Variants in KCNIP4 observed in about 807,000 individuals in gnomAD.
KCNIP4 encodes the protein potassium voltage-gated channel interacting protein 4, also known as Kv channel-interacting protein 4.
A neutral mutation model predicts 34.0 loss-of-function variants in KCNIP4; 12 were observed. The ratio of observed to expected loss-of-function variants is 0.35; its 90% CI spans 0.23 to 0.57. KCNIP4 has a LOEUF of 0.57. Among genes scored for constraint, KCNIP4 ranks in the 20% least tolerant of loss-of-function variants. The pLI is 0.83. For missense variants in KCNIP4, 238 were observed against 311.7 expected (o/e 0.76, Z 1.78); for synonymous variants, 124 against 102.2 (o/e 1.21, Z -1.29).
At chr4:21,738,128 TAAATAAATAATA>T (rs904519417) in intron 1 of KCNIP4, among the ~76,000 whole-genome samples, 1 of 109,766 alleles carries the variant, frequency 9.1e-6, no homozygotes, top group Admixed American at 8.6e-5. Context: ...AATAAATAAA[TAAATAAATAATA>T]AATAAAAGGC....
intron 1 of KCNIP4, among the ~76,000 whole-genome samples, chr4:21,198,893 C>T (rs1756261294): frequency 6.6e-6 from 1 of 152,160 alleles, no homozygotes; most frequent in African/African-American, 2.4e-5. Flanking sequence ...TGACCTGGCG[C>T]TGTCCTTTCT....
rs539671251 is a variant in KCNIP4 at position 21,167,147 on chromosome 4, A to C, written c.62-284438T>G. ...ATCCTATTTATGTAAAATTGTCAAA[A>C]CAGAAAAAAACCCACAACACCTCAT... On this transcript the variant is annotated intron_variant, in intron 1 of 8. Coordinates refer to ENST00000382152, the MANE Select transcript of KCNIP4 (RefSeq NM_025221.6). 3.7e-4 allele frequency among the ~76,000 whole-genome samples: 57 copies of C among 152,170 alleles called. 1 individual carries two copies. The South Asian group carries it at 0.012, about 31-fold the overall frequency.
At chr4:21,056,965 G>T (rs1479799052) in intron 1 of KCNIP4, among the ~76,000 whole-genome samples, 3 of 152,094 alleles carry the variant, frequency 2.0e-5, no homozygotes. Context: ...CTGGTATTCA[G>T]AAATATTTAT....
At chr4:21,383,131 A>T (rs575041514) in intron 1 of KCNIP4, among the ~76,000 whole-genome samples, 2 of 152,308 alleles carry the variant, frequency 1.3e-5, no homozygotes, top group South Asian at 4.1e-4. Context: ...CTCAGCAAGA[A>T]GTCGGCCATC....
intron 1 of KCNIP4, among the ~76,000 whole-genome samples, chr4:21,280,132 T>C (rs1321849137): frequency 6.6e-6 from 1 of 152,176 alleles, no homozygotes; most frequent in African/African-American, 2.4e-5. Flanking sequence ...TTTGTCGGCC[T>C]ATGCAAAAAA....
intron 1 of KCNIP4, among the ~76,000 whole-genome samples, chr4:21,861,652 G>A (rs1259357843): frequency 4.4e-4 from 10 of 22,576 alleles, no homozygotes; most frequent in Non-Finnish European, 1.2e-3. Flanking sequence ...GTGAGACTCC[G>A]TCTCAAAAAA....
chr4:21,914,994 C>T (rs1728546102), intron 1 of KCNIP4, among the ~76,000 whole-genome samples: 1 of 151,058 alleles, frequency 6.6e-6, no homozygotes, highest in African/African-American at 2.4e-5. Context: ...GAAAGGTACG[C>T]ATTTGAAAAA....
chr4:21,079,346 T>G (rs1036275295), intron 1 of KCNIP4, among the ~76,000 whole-genome samples: 1 of 152,168 alleles, frequency 6.6e-6, no homozygotes, highest in Non-Finnish European at 1.5e-5. Flanking sequence ...CTGTGGAGAT[T>G]ATATATTTAA....
rs375564438 is a variant in KCNIP4 at position 20,735,593 on chromosome 4, A to G, written c.430-858T>C. On this transcript the variant is annotated intron_variant, in intron 5 of 8. Coordinates refer to ENST00000382152, the MANE Select transcript of KCNIP4 (RefSeq NM_025221.6). ...TGCCCAGGCTGGAGTGCAGTGGCACAATCTTGGCTCACTGCAACTTCCACC... is the reference window on the plus strand; with the variant it reads ...TGCCCAGGCTGGAGTGCAGTGGCACGATCTTGGCTCACTGCAACTTCCACC... Among the ~76,000 whole-genome samples, 342 of 144,670 alleles carry G rather than the reference A, an allele frequency of 2.4e-3. 8 individuals carry two copies. In the South Asian group the frequency reaches 0.047, roughly 20 times the overall value. 94.9% of individuals were successfully genotyped at this position (144,670 alleles called of 152,430 possible).
chr4:21,343,316 G>T (rs150757732), intron 1 of KCNIP4, among the ~76,000 whole-genome samples: 1 of 151,930 alleles, frequency 6.6e-6, no homozygotes, highest in African/African-American at 2.4e-5. Context: ...GTATATTTAG[G>T]TAGATACTAC....
In KCNIP4 at chr4:20,729,924, C is replaced by CAAATCTTTTGGGGATTGCTTTA. The variant is rs1747532451; in HGVS notation, c.*136_*157dup. 6.3e-6 allele frequency: 5 copies of CAAATCTTTTGGGGATTGCTTTA among 796,098 alleles called. No individual in the cohort carries two copies. Among genetic ancestry groups the CAAATCTTTTGGGGATTGCTTTA allele is most frequent in the Admixed American group, 3.8e-5 (1 of 26,224 alleles). 49.3% of individuals were successfully genotyped at this position (796,098 alleles called of 1,614,324 possible). On this transcript the variant is annotated 3_prime_UTR_variant, in exon 9 of 9. Coordinates refer to ENST00000382152, the MANE Select transcript of KCNIP4 (RefSeq NM_025221.6). The stretch of plus-strand genomic sequence containing the variant: ...GGATGCAAATTTATAACTGAAAGCT[C>CAAATCTTTTGGGGATTGCTTTA]AAATCTTTTGGGGATTGCTTTATAT...
chr4:21,293,928 C>T (rs565783541), intron 1 of KCNIP4, among the ~76,000 whole-genome samples: 18 of 152,204 alleles, frequency 1.2e-4, no homozygotes, highest in Non-Finnish European at 2.2e-4. Context: ...GGCAGGAACA[C>T]GGTGGTTGAG....
At chr4:20,909,966 ACTT>A (rs1283111003) in intron 1 of KCNIP4, among the ~76,000 whole-genome samples, 1 of 152,156 alleles carries the variant, frequency 6.6e-6, no homozygotes, top group African/African-American at 2.4e-5. Flanking sequence ...GTGAACAAAA[ACTT>A]CTTATTTCTA....
At chr4:21,341,086 A>T (rs1716719060) in intron 1 of KCNIP4, among the ~76,000 whole-genome samples, 1 of 152,090 alleles carries the variant, frequency 6.6e-6, no homozygotes, top group South Asian at 2.1e-4. Context: ...GGAAAGCTAT[A>T]TGACAATAGA....
chr4:21,376,345 G>A (rs530296066), intron 1 of KCNIP4, among the ~76,000 whole-genome samples: 2 of 152,248 alleles, frequency 1.3e-5, no homozygotes, highest in East Asian at 1.9e-4. Context: ...TGGTATGCAA[G>A]TTCTTCCATG....
rs140634588 is a variant in KCNIP4, at chr4:21,058,977, A to T, written c.62-176268T>A. Among the ~76,000 whole-genome samples the T allele has an allele frequency of 3.2e-3, 494 of 152,178 alleles. 2 individuals are homozygous for T. Among genetic ancestry groups the T allele is most frequent in the African/African-American group, 0.011 (451 of 41,528 alleles). On this transcript the variant is annotated intron_variant, in intron 1 of 8. Transcript: ENST00000382152. ...GGTAATTGAGTCATGATAGTGAATAAGTTTCATGAGATCTGATGATTTTAT... is the reference window on the plus strand; with the variant it reads ...GGTAATTGAGTCATGATAGTGAATATGTTTCATGAGATCTGATGATTTTAT...
At chr4:21,442,310 C>G (rs1182151710) in intron 1 of KCNIP4, among the ~76,000 whole-genome samples, 1 of 152,110 alleles carries the variant, frequency 6.6e-6, no homozygotes, top group Non-Finnish European at 1.5e-5. Flanking sequence ...GCATCAGTGC[C>G]AAAAGCCCTG....
At chr4:21,437,514 C>G (rs559143991) in intron 1 of KCNIP4, among the ~76,000 whole-genome samples, 2 of 152,190 alleles carry the variant, frequency 1.3e-5, no homozygotes, top group Non-Finnish European at 2.9e-5. Flanking sequence ...TTTTGTTGAA[C>G]CTTTAGGGTT....
chr4:21,215,465 T>C (rs938248918), intron 1 of KCNIP4, among the ~76,000 whole-genome samples: 3 of 152,224 alleles, frequency 2.0e-5, no homozygotes, highest in Non-Finnish European at 2.9e-5. Flanking sequence ...CCTTTGAAAC[T>C]CCATGCAAAT....
Sources: allele counts gnomAD v4.1 joint callset (sites outside exome capture counted in the v4.1 genomes callset), GRCh38; gene constraint gnomAD v4.1.1; transcripts MANE v1.5; gene names NCBI Gene and HGNC (gene_info 2026-07-23, HGNC 2026-07-21).